The following LYZL4 variants were observed in gnomAD, a reference collection of about 807,000 sequenced individuals.
LYZL4 encodes lysozyme like 4, also known as lysozyme-like protein 4.
A neutral mutation model predicts 17.6 loss-of-function variants in LYZL4; 13 were observed. That is an observed-to-expected ratio of 0.74 (90% CI 0.48 to 1.18). The LOEUF is 1.18. Among genes scored for constraint, LYZL4 ranks in the 50% most tolerant of loss-of-function variants. The probability of loss-of-function intolerance (pLI) is 0.00; values close to 1 mark genes in which losing one functional copy is unlikely to be tolerated. For synonymous variants in LYZL4, 64 were observed against 67.7 expected, an observed-to-expected ratio of 0.95 and a Z score of 0.27; for missense variants, 174 against 188.2, an observed-to-expected ratio of 0.92 and a Z score of 0.44.
chr3:42,389,864 A>G, the LYZL4 span, among the ~76,000 whole-genome samples: 73 of 152,148 alleles, frequency 4.8e-4, no homozygotes, highest in Non-Finnish European at 9.0e-4. Context: ...GTCTTCACCT[A>G]TGGCTTCATG....
chr3:42,408,485 T>C (rs1003478600), intron 1 of LYZL4, among the ~76,000 whole-genome samples: 1 of 152,188 alleles, frequency 6.6e-6, no homozygotes, highest in African/African-American at 2.4e-5. Flanking sequence ...GGGTGCCAAC[T>C]TCTTGAATCC....
chr3:42,376,668 T>G, the LYZL4 span, among the ~76,000 whole-genome samples: 1 of 152,162 alleles, frequency 6.6e-6, no homozygotes, highest in East Asian at 1.9e-4. Context: ...GGCGGATCTC[T>G]CTATATGAGC....
At chr3:42,378,361 T>C in the LYZL4 span, among the ~76,000 whole-genome samples, 1 of 152,168 alleles carries the variant, frequency 6.6e-6, no homozygotes, top group East Asian at 1.9e-4. Flanking sequence ...AAGAATTTCC[T>C]TTGCCAAAGT....
the LYZL4 span, among the ~76,000 whole-genome samples, chr3:42,388,864 T>A: frequency 6.6e-6 from 1 of 151,988 alleles, no homozygotes. Flanking sequence ...CTGCCCTGAC[T>A]GGGAATTGGG....
the LYZL4 span, among the ~76,000 whole-genome samples, chr3:42,362,806 A>C: frequency 2.0e-5 from 3 of 152,238 alleles, no homozygotes; most frequent in Non-Finnish European, 2.9e-5. Flanking sequence ...TACACTGCCA[A>C]AGTATCACCC....
the LYZL4 span, among the ~76,000 whole-genome samples, chr3:42,385,583 A>G: frequency 2.0e-5 from 3 of 152,192 alleles, no homozygotes; most frequent in African/African-American, 4.8e-5. Context: ...GCCTGTAAAT[A>G]AATCCCCTAC....
chr3:42,363,749 A>T, the LYZL4 span, among the ~76,000 whole-genome samples: 1 of 152,216 alleles, frequency 6.6e-6, no homozygotes, highest in Non-Finnish European at 1.5e-5. Context: ...GCATCATTTC[A>T]CCAGCACTAT....
chr3:42,364,991 A>G, the LYZL4 span, among the ~76,000 whole-genome samples: 1 of 152,182 alleles, frequency 6.6e-6, no homozygotes, highest in South Asian at 2.1e-4. Flanking sequence ...TGGCTCCCCA[A>G]AGTGCTGTGC....
At chr3:42,365,416 T>C in the LYZL4 span, among the ~76,000 whole-genome samples, 1 of 152,240 alleles carries the variant, frequency 6.6e-6, no homozygotes, top group African/African-American at 2.4e-5. Flanking sequence ...GTAGGTTCTC[T>C]GTAGTTATCT....
At chr3:42,377,031 T>G in the LYZL4 span, among the ~76,000 whole-genome samples, 1 of 152,196 alleles carries the variant, frequency 6.6e-6, no homozygotes, top group Admixed American at 6.5e-5. Context: ...TTCCAGAATT[T>G]TTAGCCATGC....
chr3:42,374,010 G>A, the LYZL4 span, among the ~76,000 whole-genome samples: 60 of 152,216 alleles, frequency 3.9e-4, no homozygotes, highest in African/African-American at 1.3e-3. Context: ...AAAACACCCA[G>A]GAAAATAACT....
the LYZL4 span, among the ~76,000 whole-genome samples, chr3:42,369,134 A>G: frequency 1.8e-3 from 280 of 152,340 alleles, no homozygotes; most frequent in Non-Finnish European, 3.1e-3. Flanking sequence ...GAAGGTATAG[A>G]TCTGATCTGT....
the LYZL4 span, among the ~76,000 whole-genome samples, chr3:42,385,668 A>G: frequency 6.6e-6 from 1 of 152,230 alleles, no homozygotes; most frequent in Non-Finnish European, 1.5e-5. Context: ...AAGAGCCTGG[A>G]TTCAAATGCT....
chr3:42,383,687 A>G, the LYZL4 span, among the ~76,000 whole-genome samples: 1 of 152,132 alleles, frequency 6.6e-6, no homozygotes, highest in South Asian at 2.1e-4. Context: ...TCAAAACAAC[A>G]TAGGATGCTA....
At chr3:42,363,451 AATAT>A in the LYZL4 span, among the ~76,000 whole-genome samples, 1 of 152,224 alleles carries the variant, frequency 6.6e-6, no homozygotes, top group Non-Finnish European at 1.5e-5. Context: ...GCAAAAATAA[AATAT>A]ATACACACAG....
At chr3:42,401,117 T>C (rs113780788) in intron 4 of LYZL4, among the ~76,000 whole-genome samples, 2,802 of 152,232 alleles carry the variant, frequency 0.018, 85 homozygotes, top group African/African-American at 0.063. Context: ...GGTAACTCTG[T>C]CCTTATTCAA....
chr3:42,400,140 A>T (rs924931872), intron 4 of LYZL4, among the ~76,000 whole-genome samples: 2 of 152,186 alleles, frequency 1.3e-5, no homozygotes, highest in Non-Finnish European at 2.9e-5. Flanking sequence ...AGGGCACATG[A>T]TTTATAGTAA....
chr3:42,380,307 G>GT, the LYZL4 span, among the ~76,000 whole-genome samples: 1 of 152,148 alleles, frequency 6.6e-6, no homozygotes, highest in African/African-American at 2.4e-5. Flanking sequence ...TCTTGTGAGT[G>GT]TAAGTTATTT....
chr3:42,375,638 A>G, the LYZL4 span, among the ~76,000 whole-genome samples: 4 of 152,228 alleles, frequency 2.6e-5, no homozygotes, highest in African/African-American at 4.8e-5. Flanking sequence ...AGGACTAGAG[A>G]GGCAGGCTGG....
Sources: allele counts gnomAD v4.1 joint callset (sites outside exome capture counted in the v4.1 genomes callset), GRCh38; gene constraint gnomAD v4.1.1; transcripts MANE v1.5; gene names NCBI Gene and HGNC (gene_info 2026-07-23, HGNC 2026-07-21).